Variants in SEMA6D observed in about 807,000 individuals in gnomAD.
SEMA6D encodes semaphorin-6D.
In SEMA6D, 35 loss-of-function variants were observed where a neutral mutation model predicts 106.6. That is an observed-to-expected ratio of 0.33 (90% CI 0.25 to 0.44). SEMA6D has a LOEUF of 0.44. Ranked by LOEUF, SEMA6D falls within the 20% of genes least tolerant of loss-of-function variation. The pLI is 1.00. For synonymous variants in SEMA6D, 499 were observed against 487.7 expected, an observed-to-expected ratio of 1.02 and a Z score of -0.31; for missense variants, 1,185 against 1,345.9, an observed-to-expected ratio of 0.88 and a Z score of 1.87.
At chr15:47,432,612 C>T (rs1220631572) in intron 2 of SEMA6D, among the ~76,000 whole-genome samples, 1 of 151,116 alleles carries the variant, frequency 6.6e-6, no homozygotes, top group African/African-American at 2.5e-5. Flanking sequence ...TACATATACA[C>T]ACACAATTAG....
chr15:47,481,744 A>G (rs1246565158), intron 3 of SEMA6D, among the ~76,000 whole-genome samples: 1 of 152,148 alleles, frequency 6.6e-6, no homozygotes, highest in African/African-American at 2.4e-5. Flanking sequence ...TATGTGCTAA[A>G]TCCTGACTCT....
chr15:47,689,122 T>TA (rs1486498080), intron 4 of SEMA6D, among the ~76,000 whole-genome samples: 6 of 152,220 alleles, frequency 3.9e-5, no homozygotes, highest in African/African-American at 7.2e-5. Flanking sequence ...TGGAAACAGA[T>TA]ATGAGCTTAG....
intron 4 of SEMA6D, among the ~76,000 whole-genome samples, chr15:47,691,661 G>T (rs898810384): frequency 1.3e-5 from 2 of 152,046 alleles, no homozygotes; most frequent in African/African-American, 4.8e-5. Flanking sequence ...AGTATTAGCC[G>T]TATCTTTTGG....
intron 3 of SEMA6D, among the ~76,000 whole-genome samples, chr15:47,521,622 G>T (rs542782198): frequency 6.6e-6 from 1 of 152,258 alleles, no homozygotes; most frequent in African/African-American, 2.4e-5. Context: ...AATCTCCTTA[G>T]AACAGTGGGC....
chr15:47,446,901 A>G (rs905562568), intron 2 of SEMA6D, among the ~76,000 whole-genome samples: 1 of 152,170 alleles, frequency 6.6e-6, no homozygotes, highest in African/African-American at 2.4e-5. Flanking sequence ...GGTCCAATGC[A>G]TTATAAAATG....
At chr15:47,347,990 C>A (rs2038113083) in intron 1 of SEMA6D, among the ~76,000 whole-genome samples, 1 of 152,140 alleles carries the variant, frequency 6.6e-6, no homozygotes, top group Non-Finnish European at 1.5e-5. Flanking sequence ...TCCTGGAAGT[C>A]TCCACTCTTT....
At position 47,771,337 on chromosome 15, in the gene SEMA6D, G is replaced by A. The variant is rs766660850; in HGVS notation, c.2774G>A (p.Arg925Gln). ...GAGGTCCCACCTAAAGTCCCTAACC[G>A]GGAGGCATCGCTATACTCCCCTCCT... ...MSEVPPKVPN[R>Q]EASLYSPPST... The change falls in exon 19 of 19, where the codon CGG (arginine) becomes CAG (glutamine). Residue 925 changes from arginine to glutamine, a missense_variant. By Grantham distance (43) the Arg-to-Gln change is conservative. This residue lies in a region of SEMA6D where 750 missense variants were observed against 783.5 expected (regional missense o/e 0.96). Coordinates refer to ENST00000536845, the MANE Select transcript of SEMA6D (RefSeq NM_001358351.3). 29 of 1,613,866 alleles carry A rather than the reference G, an allele frequency of 1.8e-5. 1 individual carries two copies. Among genetic ancestry groups the A allele is most frequent in the Middle Eastern group, 3.3e-4 (2 of 6,058 alleles).
chr15:47,246,975 C>T (rs899954606), intron 1 of SEMA6D, among the ~76,000 whole-genome samples: 1 of 152,144 alleles, frequency 6.6e-6, no homozygotes, highest in Non-Finnish European at 1.5e-5. Context: ...TTTCTCATCT[C>T]TAAAATGCAC....
chr15:47,445,719 T>C (rs2042007948), intron 2 of SEMA6D, among the ~76,000 whole-genome samples: 1 of 146,780 alleles, frequency 6.8e-6, no homozygotes, highest in Non-Finnish European at 1.5e-5. Flanking sequence ...TCACTTTTTA[T>C]TTTTTACTAT....
chr15:47,723,839 A>G (rs970856753), intron 1 of SEMA6D, among the ~76,000 whole-genome samples: 1 of 152,210 alleles, frequency 6.6e-6, no homozygotes, highest in Non-Finnish European at 1.5e-5. Flanking sequence ...AAAGCCCAAT[A>G]TGTTGGTACA....
intron 3 of SEMA6D, among the ~76,000 whole-genome samples, chr15:47,495,273 G>C (rs1170597728): frequency 1.3e-5 from 2 of 151,666 alleles, no homozygotes; most frequent in Non-Finnish European, 2.9e-5. Context: ...TTTTAGAAAA[G>C]AAAGAAAACT....
chr15:47,482,980 C>G (rs922543969), intron 3 of SEMA6D, among the ~76,000 whole-genome samples: 2 of 152,082 alleles, frequency 1.3e-5, no homozygotes, highest in Non-Finnish European at 2.9e-5. Flanking sequence ...GATATAGATA[C>G]TTGCTCTTGT....
At chr15:47,720,989 G>A (rs2079391518) in intron 1 of SEMA6D, among the ~76,000 whole-genome samples, 1 of 152,128 alleles carries the variant, frequency 6.6e-6, no homozygotes, top group Non-Finnish European at 1.5e-5. Context: ...TAGACTTTAA[G>A]CCTGCATATT....
At chr15:47,300,413 A>C (rs12908686) in intron 1 of SEMA6D, among the ~76,000 whole-genome samples, 74,414 of 151,046 alleles carry the variant, frequency 0.49, 21,194 homozygotes, top group East Asian at 0.85. Flanking sequence ...TGTGTACTGC[A>C]TAGTGTTGAG....
intron 3 of SEMA6D, among the ~76,000 whole-genome samples, chr15:47,558,332 A>G (rs559072921): frequency 6.6e-6 from 1 of 152,206 alleles, no homozygotes; most frequent in Non-Finnish European, 1.5e-5. Context: ...GAGATAAATT[A>G]CAGAGATAAA....
chr15:47,403,151 A>T (rs1015731587), intron 1 of SEMA6D, among the ~76,000 whole-genome samples: 2 of 152,198 alleles, frequency 1.3e-5, no homozygotes, highest in Non-Finnish European at 2.9e-5. Context: ...AGATGCTTTT[A>T]ACAAAAGCCT....
chr15:47,322,092 G>T (rs1167970065), intron 1 of SEMA6D, among the ~76,000 whole-genome samples: 1 of 151,972 alleles, frequency 6.6e-6, no homozygotes, highest in Non-Finnish European at 1.5e-5. Context: ...GAAGGCAGGC[G>T]GATGGCAATT....
At chr15:47,555,909 G>A (rs1393245890) in intron 3 of SEMA6D, among the ~76,000 whole-genome samples, 2 of 152,024 alleles carry the variant, frequency 1.3e-5, no homozygotes, top group Non-Finnish European at 2.9e-5. Context: ...TATCAGGCAC[G>A]CATAAAACAG....
intron 2 of SEMA6D, among the ~76,000 whole-genome samples, chr15:47,419,351 G>A (rs1487484813): frequency 1.3e-5 from 2 of 152,118 alleles, no homozygotes; most frequent in Admixed American, 6.6e-5. Flanking sequence ...CAGGATATTG[G>A]AAGGATCATG....
Sources: allele counts gnomAD v4.1 joint callset (sites outside exome capture counted in the v4.1 genomes callset), GRCh38; gene constraint gnomAD v4.1.1; regional missense constraint gnomAD v4.1.1; transcripts MANE v1.5; gene names NCBI Gene and HGNC (gene_info 2026-07-23, HGNC 2026-07-21).